Variants in HIVEP1 observed in about 807,000 individuals in gnomAD.
HIVEP1 encodes the protein HIVEP zinc finger 1.
A neutral mutation model predicts 180.0 loss-of-function variants in HIVEP1; 36 were observed. The observed-to-expected ratio is 0.20, with a 90% CI of 0.15 to 0.26. The LOEUF is 0.26. Ranked by LOEUF, HIVEP1 falls within the 10% of genes least tolerant of loss-of-function variation. The pLI is 1.00. For synonymous variants in HIVEP1, 1,239 were observed against 1,239.0 expected (o/e 1.00, Z 0.00); for missense variants, 3,143 against 3,268.7 (o/e 0.96, Z 0.94).
intron 3 of HIVEP1, among the ~76,000 whole-genome samples, chr6:12,102,898 GTTTT>G (rs967819053): frequency 1.3e-5 from 2 of 151,430 alleles, no homozygotes; most frequent in East Asian, 3.9e-4. Context: ...AAATGATTTT[GTTTT>G]TTTATGTTTG....
chr6:12,047,726 C>T (rs1411376574), intron 2 of HIVEP1, among the ~76,000 whole-genome samples: 2 of 152,172 alleles, frequency 1.3e-5, no homozygotes, highest in Non-Finnish European at 2.9e-5. Context: ...CGGTTTTCAC[C>T]CTTACGTTTC....
chr6:12,011,799 G>A (rs1038588689), upstream of HIVEP1, among the ~76,000 whole-genome samples: 1 of 147,988 alleles, frequency 6.8e-6, no homozygotes, highest in Non-Finnish European at 1.5e-5. Context: ...CGCCGGCCCA[G>A]CTGGGCCCCG....
At chr6:12,202,085 T>C in the HIVEP1 span, among the ~76,000 whole-genome samples, 1 of 152,198 alleles carries the variant, frequency 6.6e-6, no homozygotes, top group Non-Finnish European at 1.5e-5. Context: ...AAAACGACTT[T>C]AAATACTACA....
At chr6:12,118,890 C>T (rs1317203225) in intron 3 of HIVEP1, among the ~76,000 whole-genome samples, 1 of 152,110 alleles carries the variant, frequency 6.6e-6, no homozygotes. Flanking sequence ...ATCAGTTTTG[C>T]ATACTTAGAA....
At chr6:12,070,440 C>G (rs543722699) in intron 2 of HIVEP1, among the ~76,000 whole-genome samples, 48 of 152,230 alleles carry the variant, frequency 3.2e-4, no homozygotes, top group African/African-American at 1.2e-3. Context: ...GTAATCTCAG[C>G]ACTTTGGGAG....
At chr6:12,200,697 C>T in the HIVEP1 span, among the ~76,000 whole-genome samples, 366 of 152,326 alleles carry the variant, frequency 2.4e-3, 4 homozygotes, top group African/African-American at 8.0e-3. Flanking sequence ...TTAGACTTTC[C>T]ACCAAAGCAT....
chr6:12,176,294 C>T, the HIVEP1 span, among the ~76,000 whole-genome samples: 1 of 141,290 alleles, frequency 7.1e-6, no homozygotes, highest in South Asian at 2.3e-4. Flanking sequence ...AGTGTGATGG[C>T]TGATCTCGGC....
chr6:12,075,458 G>T (rs1250196295), intron 2 of HIVEP1, among the ~76,000 whole-genome samples: 1 of 152,068 alleles, frequency 6.6e-6, no homozygotes, highest in Non-Finnish European at 1.5e-5. Flanking sequence ...CCCACTCTGC[G>T]CTGGCCTTTA....
At chr6:12,187,134 T>C in the HIVEP1 span, among the ~76,000 whole-genome samples, 1 of 152,142 alleles carries the variant, frequency 6.6e-6, no homozygotes, top group Non-Finnish European at 1.5e-5. Flanking sequence ...TGAAATATTA[T>C]CAAGTGGTAA....
intron 2 of HIVEP1, among the ~76,000 whole-genome samples, chr6:12,026,017 G>A (rs1161983998): frequency 1.3e-5 from 2 of 150,554 alleles, no homozygotes; most frequent in African/African-American, 4.9e-5. Flanking sequence ...TCCAGCCTGG[G>A]CAACAAGAGT....
intron 2 of HIVEP1, among the ~76,000 whole-genome samples, chr6:12,033,620 A>G (rs1561871629): frequency 6.6e-6 from 1 of 152,300 alleles, no homozygotes; most frequent in East Asian, 1.9e-4. Flanking sequence ...GGTGGACACA[A>G]CTGGACTCCA....
At chr6:12,193,837 A>G in the HIVEP1 span, among the ~76,000 whole-genome samples, 1 of 152,232 alleles carries the variant, frequency 6.6e-6, no homozygotes, top group East Asian at 1.9e-4. Flanking sequence ...GCATAATACG[A>G]CAAATACTAC....
intron 7 of HIVEP1, among the ~76,000 whole-genome samples, chr6:12,159,586 A>G (rs1760275618): frequency 6.6e-6 from 1 of 152,148 alleles, no homozygotes; most frequent in South Asian, 2.1e-4. Context: ...AGAGTTGCCA[A>G]ACCTATAAAA....
At chr6:12,136,285 T>G (rs1758699611) in intron 7 of HIVEP1, among the ~76,000 whole-genome samples, 1 of 152,148 alleles carries the variant, frequency 6.6e-6, no homozygotes, top group African/African-American at 2.4e-5. Flanking sequence ...TCCTGCCTAC[T>G]TAACATTGAT....
intron 3 of HIVEP1, among the ~76,000 whole-genome samples, chr6:12,118,484 A>C (rs1303197945): frequency 6.6e-6 from 1 of 152,238 alleles, no homozygotes; most frequent in Admixed American, 6.5e-5. Flanking sequence ...TTGCTCAAAA[A>C]TACAGTAGTT....
At chr6:12,011,280 CCCCCGCCTCCCCCT>C (rs1156727736), upstream of HIVEP1, among the ~76,000 whole-genome samples, 7 of 105,412 alleles carry the variant, frequency 6.6e-5, no homozygotes, top group African/African-American at 1.9e-4. Flanking sequence ...TCCCCCCCCC[CCCCCGCCTCCCCCT>C]CCCCCATTCT....
Position 12,014,232 on chromosome 6 carries a change from A to G in HIVEP1, c.-103-1294A>G, listed in dbSNP as rs370696830. Among the ~76,000 whole-genome samples the G allele has an allele frequency of 1.6e-4, 24 of 152,358 alleles. No homozygotes were observed. The South Asian group carries it at 4.8e-3, about 30-fold the overall frequency. ...GAACCCACTCCGGTTTGACACCAAG[A>G]TAAGTCGTCATGACTTGCTGCGCCT... On this transcript the variant is annotated intron_variant, in intron 1 of 8. Coordinates refer to ENST00000379388, the MANE Select transcript of HIVEP1 (RefSeq NM_002114.4).
chr6:12,199,863 T>C, the HIVEP1 span, among the ~76,000 whole-genome samples: 1 of 152,154 alleles, frequency 6.6e-6, no homozygotes, highest in African/African-American at 2.4e-5. Flanking sequence ...GTTGTGCTGG[T>C]CTCATCACCA....
chr6:12,155,514 GTTTTCT>G (rs1490054324), intron 7 of HIVEP1, among the ~76,000 whole-genome samples: 1 of 151,788 alleles, frequency 6.6e-6, no homozygotes, highest in Non-Finnish European at 1.5e-5. Context: ...GCGGTATTTG[GTTTTCT>G]CTTCCTGCAT....
Sources: gnomAD v4.1 joint callset for allele counts (sites outside exome capture counted in the v4.1 genomes callset) on GRCh38, gnomAD v4.1.1 for gene constraint, MANE v1.5 for transcripts, NCBI Gene and HGNC (gene_info 2026-07-23, HGNC 2026-07-21) for gene names.